Variants in SLC7A14 observed in about 807,000 individuals in gnomAD.
SLC7A14 encodes solute carrier family 7 member 14.
In SLC7A14, 37 loss-of-function variants were observed where a neutral mutation model predicts 60.2. The ratio of observed to expected loss-of-function variants is 0.61; its 90% CI spans 0.47 to 0.81. The LOEUF (loss-of-function observed/expected upper bound fraction) is 0.81, where lower values mean the gene tolerates loss of function less well. SLC7A14 is among the 30% of genes least tolerant of loss of function. SLC7A14 has a pLI of 0.00. For synonymous variants in SLC7A14, 399 were observed against 395.8 expected (o/e 1.01, Z -0.10); for missense variants, 886 against 982.7 (o/e 0.90, Z 1.32).
chr3:170,468,351 G>A (rs910763516), intron 7 of SLC7A14, among the ~76,000 whole-genome samples: 1 of 151,692 alleles, frequency 6.6e-6, no homozygotes, highest in Non-Finnish European at 1.5e-5. Context: ...AGGCTGGAGT[G>A]CAGTGGCATG....
At chr3:170,553,119 C>A (rs1454523824) in intron 1 of SLC7A14, among the ~76,000 whole-genome samples, 1 of 152,186 alleles carries the variant, frequency 6.6e-6, no homozygotes. Context: ...CGGCATTTAT[C>A]ATTCTGAAAC....
intron 2 of SLC7A14, among the ~76,000 whole-genome samples, chr3:170,510,807 A>G (rs990854766): frequency 1.3e-5 from 2 of 152,182 alleles, no homozygotes; most frequent in African/African-American, 4.8e-5. Context: ...TCAGGTTATC[A>G]TCAAAGGCCA....
chr3:170,555,647 T>C (rs1714466176), intron 1 of SLC7A14, among the ~76,000 whole-genome samples: 1 of 152,134 alleles, frequency 6.6e-6, no homozygotes, highest in South Asian at 2.1e-4. Context: ...TATAAACCTG[T>C]ACAGCATGTG....
rs1215707701 is a variant in SLC7A14 at position 170,462,395 on chromosome 3, G to C, written c.*4660C>G. 6.6e-6 allele frequency: 1 copy of C among 152,186 alleles called. No homozygotes were observed. Among genetic ancestry groups the C allele is most frequent in the Non-Finnish European group, 1.5e-5 (1 of 68,028 alleles). The allele number at this position is 152,186 out of a possible 1,614,324, so 9.4% of individuals were successfully genotyped here. On this transcript the variant is annotated 3_prime_UTR_variant, in exon 8 of 8. Transcript: ENST00000231706. ...ACCAACCCTTTTCAGCAGAATAGAGGAGAGAGATTTCTTTGAAGGAGTTTG... is the reference window on the plus strand; with the variant it reads ...ACCAACCCTTTTCAGCAGAATAGAGCAGAGAGATTTCTTTGAAGGAGTTTG...
At chr3:170,476,377 G>T (rs1480991238) in intron 7 of SLC7A14, among the ~76,000 whole-genome samples, 10 of 152,220 alleles carry the variant, frequency 6.6e-5, no homozygotes, top group Admixed American at 6.5e-4. Flanking sequence ...TGATTTGCGG[G>T]CTGTGCATCA....
intron 1 of SLC7A14, among the ~76,000 whole-genome samples, chr3:170,549,758 C>T (rs1714289616): frequency 6.6e-6 from 1 of 152,150 alleles, no homozygotes; most frequent in Non-Finnish European, 1.5e-5. Flanking sequence ...CCACATTTTA[C>T]TTTTTTAACA....
intron 1 of SLC7A14, among the ~76,000 whole-genome samples, chr3:170,541,896 A>G (rs1046422622): frequency 1.6e-4 from 25 of 152,340 alleles, no homozygotes; most frequent in African/African-American, 5.8e-4. Context: ...TAAAACCCCA[A>G]ACAAAACACA....
chr3:170,504,783 T>C (rs1230939575), intron 2 of SLC7A14, among the ~76,000 whole-genome samples: 1 of 152,112 alleles, frequency 6.6e-6, no homozygotes, highest in East Asian at 1.9e-4. Context: ...CTCTTAATCA[T>C]CTAGTTAGTG....
At chr3:170,485,689 G>A (rs547697895) in intron 5 of SLC7A14, among the ~76,000 whole-genome samples, 77 of 152,268 alleles carry the variant, frequency 5.1e-4, no homozygotes, top group African/African-American at 1.7e-3. Flanking sequence ...GTGAATTTGA[G>A]CTGGTGTAAC....
intron 4 of SLC7A14, among the ~76,000 whole-genome samples, chr3:170,491,014 C>T (rs199571610): frequency 2.0e-5 from 3 of 152,192 alleles, no homozygotes; most frequent in East Asian, 1.9e-4. Flanking sequence ...TACTCCCCTA[C>T]CTTCCTCCTT....
Position 170,571,382 on chromosome 3 carries a change from C to A in SLC7A14, c.-153+14529G>T, listed in dbSNP as rs567605126. Among the ~76,000 whole-genome samples, 6 of 152,260 alleles carry A rather than the reference C, an allele frequency of 3.9e-5. No homozygotes were observed. The East Asian group carries it at 9.6e-4, about 24-fold the overall frequency. On this transcript the variant is annotated intron_variant, in intron 1 of 7. Coordinates refer to ENST00000231706, the MANE Select transcript of SLC7A14 (RefSeq NM_020949.3). ...GTCTTTCACAAACCACTCACAGGAG[C>A]CTTGAGGATCTAGGCCTTTGTTTTT...
At chr3:170,512,178 CT>C in intron 2 of SLC7A14, among the ~76,000 whole-genome samples, 1 of 152,308 alleles carries the variant, frequency 6.6e-6, no homozygotes. Context: ...GCCATACCCC[CT>C]GCCCTGAGAT....
intron 2 of SLC7A14, among the ~76,000 whole-genome samples, chr3:170,505,916 A>C (rs533549866): frequency 3.4e-4 from 51 of 152,210 alleles, no homozygotes; most frequent in African/African-American, 1.2e-3. Flanking sequence ...TTAACATATA[A>C]ATAATATTTA....
intron 2 of SLC7A14, among the ~76,000 whole-genome samples, chr3:170,509,604 G>T (rs529621455): frequency 1.2e-4 from 18 of 152,284 alleles, no homozygotes; most frequent in African/African-American, 4.1e-4. Context: ...GAGGTCAGGA[G>T]TTCGAGACCA....
At position 170,480,569 on chromosome 3, in the gene SLC7A14, C is replaced by T. The variant is rs749738241; in HGVS notation, c.1713G>A (p.Leu571=). 1.7e-5 allele frequency: 27 copies of T among 1,614,096 alleles called. No individual in the cohort carries two copies. The highest frequency in any genetic ancestry group is 1.6e-4 in the Middle Eastern group (1 of 6,084). Residue 571 remains leucine (L), a synonymous_variant, in exon 7 of 8, where the codon CTG becomes CTA. Coordinates refer to ENST00000231706, the MANE Select transcript of SLC7A14 (RefSeq NM_020949.3). Reference sequence around the variant, plus strand: ...AGAAGATGAACATGAGGATGAAGAGCAGGAGCACGCAGATGGTCACCGTGT... The same window carrying T: ...AGAAGATGAACATGAGGATGAAGAGTAGGAGCACGCAGATGGTCACCGTGT... ...TGHTVTICVL[L]LFILMFIFCS... is the part of the protein sequence containing the mutation.
At chr3:170,492,085 G>A (rs547790751) in intron 4 of SLC7A14, among the ~76,000 whole-genome samples, 1 of 152,322 alleles carries the variant, frequency 6.6e-6, no homozygotes, top group Admixed American at 6.5e-5. Flanking sequence ...GTATATGGGT[G>A]TCTCTACCCA....
intron 4 of SLC7A14, chr3:170,496,134 C>T: frequency 1.0e-6 from 1 of 970,064 alleles, no homozygotes. Flanking sequence ...GATCCAGGAG[C>T]TGCAGTCCCA....
At chr3:170,520,320 T>C (rs1713304784) in intron 2 of SLC7A14, among the ~76,000 whole-genome samples, 1 of 152,236 alleles carries the variant, frequency 6.6e-6, no homozygotes, top group Non-Finnish European at 1.5e-5. Context: ...CTTAGAACTC[T>C]TTTGGTACAA....
At position 170,480,271 on chromosome 3, in the gene SLC7A14, C is replaced by T. The variant is rs1422101755; in HGVS notation, c.1993+18G>A. ...ACCTTAAAAGGGAACTCTTAAGGCTCCAAAGGAAGTTGCTTACCCACAAAG... is the reference window on the plus strand; with the variant it reads ...ACCTTAAAAGGGAACTCTTAAGGCTTCAAAGGAAGTTGCTTACCCACAAAG... On this transcript the variant is annotated intron_variant, in intron 7 of 7. Coordinates refer to ENST00000231706, the MANE Select transcript of SLC7A14 (RefSeq NM_020949.3). 1 of 1,518,144 alleles carries T rather than the reference C, an allele frequency of 6.6e-7. No homozygotes were observed. The highest frequency in any genetic ancestry group is 1.4e-5 in the African/African-American group (1 of 71,800). The allele number at this position is 1,518,144 out of a possible 1,614,324, so 94.0% of individuals were successfully genotyped here. A position where few individuals can be genotyped will look rare whatever the true frequency, so the allele number is the denominator to read the frequency against.
Sources: allele counts gnomAD v4.1 joint callset (sites outside exome capture counted in the v4.1 genomes callset), GRCh38; gene constraint gnomAD v4.1.1; transcripts MANE v1.5; gene names NCBI Gene and HGNC (gene_info 2026-07-23, HGNC 2026-07-21).